The following CAMK1D variants were observed in gnomAD, a reference collection of about 807,000 sequenced individuals.
The protein encoded by CAMK1D is calcium/calmodulin dependent protein kinase ID.
Under a neutral mutation model 47.7 loss-of-function variants are expected in CAMK1D, and 9 were observed. The ratio of observed to expected loss-of-function variants is 0.19; its 90% CI spans 0.11 to 0.33. The LOEUF (loss-of-function observed/expected upper bound fraction) is 0.33. Among genes scored for constraint, CAMK1D ranks in the 10% least tolerant of loss-of-function variants. CAMK1D has a pLI of 1.00. For synonymous variants in CAMK1D, 184 were observed against 184.9 expected (o/e 0.99, Z 0.04); for missense variants, 291 against 488.7 (o/e 0.60, Z 3.81).
At chr10:12,721,384 A>G (rs1834368120) in intron 3 of CAMK1D, among the ~76,000 whole-genome samples, 1 of 152,244 alleles carries the variant, frequency 6.6e-6, no homozygotes. Context: ...ATTTAATCAC[A>G]GGAAATGTAT....
At chr10:12,433,804 C>T (rs1416047394) in intron 1 of CAMK1D, among the ~76,000 whole-genome samples, 1 of 152,224 alleles carries the variant, frequency 6.6e-6, no homozygotes, top group African/African-American at 2.4e-5. Context: ...CTTCTAGGGG[C>T]TGCAGTTTGC....
intron 1 of CAMK1D, among the ~76,000 whole-genome samples, chr10:12,385,528 A>T (rs142890750): frequency 6.6e-6 from 1 of 152,220 alleles, no homozygotes; most frequent in Non-Finnish European, 1.5e-5. Context: ...GATTCCATTT[A>T]TATAAAATAT....
chr10:12,647,049 G>A (rs2132500446), intron 2 of CAMK1D, among the ~76,000 whole-genome samples: 1 of 151,692 alleles, frequency 6.6e-6, no homozygotes, highest in East Asian at 1.9e-4. Flanking sequence ...CACCGTGTTG[G>A]CCAGGCTGGT....
chr10:12,818,829 G>A (rs766947), intron 8 of CAMK1D, among the ~76,000 whole-genome samples: 43,940 of 152,158 alleles, frequency 0.29, 6,563 homozygotes, highest in Admixed American at 0.36. Flanking sequence ...AGGCTTGGGG[G>A]AGAAGGAAAG....
intron 1 of CAMK1D, among the ~76,000 whole-genome samples, chr10:12,495,166 A>C (rs1263388384): frequency 6.6e-6 from 1 of 152,228 alleles, no homozygotes; most frequent in Non-Finnish European, 1.5e-5. Flanking sequence ...TGAAGCAAGC[A>C]CATCTTGTCA....
In CAMK1D at chr10:12,377,881, G is replaced by A. The variant is rs1393735294; in HGVS notation, c.92+27971G>A. 2.0e-5 allele frequency among the ~76,000 whole-genome samples: 3 copies of A among 152,206 alleles called. No homozygotes were observed. The East Asian group carries it at 5.8e-4, about 29-fold the overall frequency. ...TTTATGTGCAAGATGACCTTTTCAT[G>A]TTGTCACAGGCAATTTCATAGCAAT... On this transcript the variant is annotated intron_variant, in intron 1 of 10. Transcript: ENST00000619168.
At chr10:12,727,975 G>A (rs575957537) in intron 3 of CAMK1D, among the ~76,000 whole-genome samples, 9 of 152,108 alleles carry the variant, frequency 5.9e-5, no homozygotes, top group Non-Finnish European at 1.0e-4. Context: ...CATGCTGGCC[G>A]GGCTGGTCTC....
Position 12,446,393 on chromosome 10 carries a change from T to A in CAMK1D, c.92+96483T>A, listed in dbSNP as rs187377149. Among the ~76,000 whole-genome samples, 625 of 152,338 alleles carry A rather than the reference T, an allele frequency of 4.1e-3. 4 individuals are homozygous for A. Among genetic ancestry groups the A allele is most frequent in the African/African-American group, 0.014 (598 of 41,576 alleles). On this transcript the variant is annotated intron_variant, in intron 1 of 10. Transcript: ENST00000619168. ...TGGCATTTGTAAACTGTCATGGTGC[T>A]GACAGGAGTGTAGCAGCGAGGACAA...
intron 2 of CAMK1D, among the ~76,000 whole-genome samples, chr10:12,574,887 C>A (rs546886021): frequency 6.6e-6 from 1 of 151,972 alleles, no homozygotes. Context: ...AGATGCTGCA[C>A]GCTTCTAACA....
At chr10:12,358,252 G>T (rs937921091) in intron 1 of CAMK1D, among the ~76,000 whole-genome samples, 1 of 152,110 alleles carries the variant, frequency 6.6e-6, no homozygotes, top group Non-Finnish European at 1.5e-5. Context: ...AAAAAGAAAT[G>T]AGGGACCCAG....
Position 12,469,912 on chromosome 10 carries a change from C to G in CAMK1D, c.93-83313C>G, listed in dbSNP as rs1332413669. Among the ~76,000 whole-genome samples, 5 of 151,970 alleles carry G rather than the reference C, an allele frequency of 3.3e-5. No individual in the cohort carries two copies. The East Asian group carries it at 9.7e-4, about 29-fold the overall frequency. On this transcript the variant is annotated intron_variant, in intron 1 of 10. Coordinates refer to ENST00000619168, the MANE Select transcript of CAMK1D (RefSeq NM_153498.4). Reference sequence around the variant, plus strand: ...TTTTTTGGTGTGTTAGGGTACCATTCTTCTTAAGTATCGAACACTTTATCA... The same window carrying G: ...TTTTTTGGTGTGTTAGGGTACCATTGTTCTTAAGTATCGAACACTTTATCA...
intron 2 of CAMK1D, among the ~76,000 whole-genome samples, chr10:12,601,942 C>T (rs1191170315): frequency 6.6e-6 from 1 of 152,222 alleles, no homozygotes; most frequent in East Asian, 1.9e-4. Flanking sequence ...GCCCCCTCTA[C>T]CTGTGTGTCC....
intron 2 of CAMK1D, among the ~76,000 whole-genome samples, chr10:12,630,704 G>A (rs969894171): frequency 1.1e-4 from 16 of 152,114 alleles, no homozygotes; most frequent in African/African-American, 3.1e-4. Flanking sequence ...GATTCGAGGC[G>A]TGAGCTACTG....
intron 2 of CAMK1D, among the ~76,000 whole-genome samples, chr10:12,569,554 CAA>C (rs561300490): frequency 7.4e-6 from 1 of 135,826 alleles, no homozygotes; most frequent in Non-Finnish European, 1.6e-5. Context: ...ACTAAAAATA[CAA>C]AAAAAAAAAA....
intron 1 of CAMK1D, among the ~76,000 whole-genome samples, chr10:12,510,821 A>G (rs887577683): frequency 6.6e-6 from 1 of 152,214 alleles, no homozygotes; most frequent in Admixed American, 6.5e-5. Flanking sequence ...GACAGTGCCA[A>G]TGCATGCAAA....
At position 12,779,318 on chromosome 10, in the gene CAMK1D, A is replaced by T. The variant is rs114313382; in HGVS notation, c.565+9519A>T. On this transcript the variant is annotated intron_variant, in intron 5 of 10. Coordinates refer to ENST00000619168, the MANE Select transcript of CAMK1D (RefSeq NM_153498.4). ...TGCCTGCTCAGCTGCATTAATTAAA[A>T]TATCTGAATCACTGAACATCAGTAG... Among the ~76,000 whole-genome samples, 769 of 152,370 alleles carry T rather than the reference A, an allele frequency of 5.0e-3. 8 individuals carry two copies. The highest frequency in any genetic ancestry group is 0.017 in the African/African-American group (700 of 41,592).
chr10:12,620,846 C>T (rs1360372251), intron 2 of CAMK1D, among the ~76,000 whole-genome samples: 1 of 152,132 alleles, frequency 6.6e-6, no homozygotes, highest in Non-Finnish European at 1.5e-5. Flanking sequence ...CTTTGTCTTG[C>T]CTTAGATCCT....
At chr10:12,449,206 G>A (rs949833837) in intron 1 of CAMK1D, among the ~76,000 whole-genome samples, 1 of 152,120 alleles carries the variant, frequency 6.6e-6, no homozygotes, top group African/African-American at 2.4e-5. Flanking sequence ...AACCTAGCAA[G>A]TTACTCTCAT....
At position 12,774,712 on chromosome 10, in the gene CAMK1D, C is replaced by T. The variant is rs1475126762; in HGVS notation, c.565+4913C>T. ...AGTGAGAGGCAGGCTGGTGGGCATT[C>T]CTGCCTGAGCTCCGCCTCCTGTCAG... On this transcript the variant is annotated intron_variant, in intron 5 of 10. Transcript: ENST00000619168. Among the ~76,000 whole-genome samples the T allele has an allele frequency of 2.0e-5, 3 of 152,174 alleles. No homozygotes were observed. In the East Asian group the frequency reaches 5.8e-4, roughly 29 times the overall value.
Sources: gnomAD v4.1 joint callset for allele counts (sites outside exome capture counted in the v4.1 genomes callset) on GRCh38, gnomAD v4.1.1 for gene constraint, MANE v1.5 for transcripts, NCBI Gene and HGNC (gene_info 2026-07-23, HGNC 2026-07-21) for gene names.